THBS2: variants seen among roughly 807,000 people sequenced by gnomAD.
THBS2 encodes thrombospondin-2.
A neutral mutation model predicts 135.2 loss-of-function variants in THBS2; 47 were observed. That is an observed-to-expected ratio of 0.35 (90% CI 0.28 to 0.44). The LOEUF (loss-of-function observed/expected upper bound fraction) is 0.44. Ranked by LOEUF, THBS2 falls within the 20% of genes least tolerant of loss-of-function variation. THBS2 has a pLI of 1.00. For synonymous variants in THBS2, 639 were observed against 633.8 expected (o/e 1.01, Z -0.12); for missense variants, 1,288 against 1,603.1 (o/e 0.80, Z 3.36).
rs1780645970 is a variant in THBS2, at chr6:169,248,662, C to T, written c.364G>A (p.Asp122Asn). ...ATCCAGTAGGTGAGATCCAGCGTGT[C>T]CGCGGGGCCGTTGGAGACGATCTCG... Reference protein sequence around the residue: ...QFEIVSNGPADTLDLTYWIDG... With the variant: ...QFEIVSNGPANTLDLTYWIDG... Residue 122 changes from aspartate (D) to asparagine (N), a missense_variant, in exon 3 of 22, where the codon GAC becomes AAC. Around this residue, in one of 2 missense-constraint regions of THBS2, gnomAD observed 414 missense variants for 447.0 expected, o/e 0.93. Transcript: ENST00000617924. 6.2e-7 allele frequency: 1 copy of T among 1,613,938 alleles called. No individual in the cohort carries two copies. Among genetic ancestry groups the T allele is most frequent in the Non-Finnish European group, 8.5e-7 (1 of 1,180,008 alleles).
intron 15 of THBS2, among the ~76,000 whole-genome samples, chr6:169,227,237 G>A (rs1380358965): frequency 2.0e-5 from 3 of 152,178 alleles, no homozygotes; most frequent in Admixed American, 6.5e-5. Flanking sequence ...AGCTGGGGCC[G>A]AGCTCCAGCG....
rs1425305726 is a variant in THBS2 at position 169,237,174 on chromosome 6, G to A, written c.1473C>T (p.Cys491=). The A allele has an allele frequency of 1.2e-6, 2 of 1,605,404 alleles. No homozygotes were observed. Among genetic ancestry groups the A allele is most frequent in the Admixed American group, 1.7e-5 (1 of 60,000 alleles). The change falls in exon 9 of 22, where the codon TGC becomes TGT. Residue 491 remains cysteine (C), a synonymous_variant. Transcript: ENST00000617924. ...CCCCGCCTTCACCGTACTTACTTGG[G>A]CATGGGGCGCCCTGGCAGGCTTTGG... The part of the protein sequence containing the change: ...RETKACQGAP[C]PIDGRWSPWS...
intron 21 of THBS2, among the ~76,000 whole-genome samples, chr6:169,219,021 GTGGA>G (rs1373217483): frequency 7.9e-6 from 1 of 126,042 alleles, no homozygotes; most frequent in African/African-American, 2.9e-5. Context: ...GATGAGATGA[GTGGA>G]TGGATGGATG....
intron 4 of THBS2, among the ~76,000 whole-genome samples, chr6:169,245,174 C>T (rs1471120556): frequency 1.3e-5 from 2 of 152,232 alleles, no homozygotes; most frequent in Non-Finnish European, 2.9e-5. Flanking sequence ...CAGACAGACC[C>T]AGGCAGCAGC....
At chr6:169,239,805 A>T (rs1780228436) in intron 6 of THBS2, 110 bp from the exon 7 acceptor site, 1 of 812,448 alleles carries the variant, frequency 1.2e-6, no homozygotes, top group Non-Finnish European at 2.0e-6. Flanking sequence ...TTTCCATCCT[A>T]CGGACCATAC....
Position 169,246,193 on chromosome 6 carries a change from C to T in THBS2, c.694+4G>A. 6.2e-7 allele frequency: 1 copy of T among 1,613,692 alleles called. No homozygotes were observed. The highest frequency in any genetic ancestry group is 1.3e-5 in the African/African-American group (1 of 75,028). ...ATAAAATGCATTTTTCACAACACAC[C>T]TACCTCCCTGGCCTTGCTGGCAACC... On this transcript the variant is annotated splice_donor_region_variant and intron_variant, in intron 4 of 21. Coordinates refer to ENST00000617924, the MANE Select transcript of THBS2 (RefSeq NM_003247.5).
intron 2 of THBS2, among the ~76,000 whole-genome samples, chr6:169,249,734 G>C (rs1291006178): frequency 5.3e-5 from 8 of 152,148 alleles, no homozygotes; most frequent in African/African-American, 1.9e-4. Context: ...AATCATAATA[G>C]TTTAAATAAT....
rs370324345 is a variant in THBS2, at chr6:169,237,161, C to A, written c.1477+9G>T. ...CGCCCACCCAGGGCCCCGCCTTCAC[C>A]GTACTTACTTGGGCATGGGGCGCCC... On this transcript the variant is annotated intron_variant, in intron 9 of 21. Transcript: ENST00000617924. 6.3e-7 allele frequency: 1 copy of A among 1,598,658 alleles called. No individual in the cohort carries two copies. Among genetic ancestry groups the A allele is most frequent in the South Asian group, 1.1e-5 (1 of 90,868 alleles).
At position 169,248,549 on chromosome 6, in the gene THBS2, C is replaced by G. The variant is rs765400025; in HGVS notation, c.477G>C (p.Glu159Asp). The change falls in exon 3 of 22, where the codon GAG becomes GAC. Residue 159 changes from glutamate to aspartate, a missense_variant. Glu to Asp is a conservative substitution (Grantham distance 45). Coordinates refer to ENST00000617924, the MANE Select transcript of THBS2 (RefSeq NM_003247.5). ...CGCAGCCCACGTGCAAGCTGTAGGT[C>G]TCGCCAGCCACCTGCACGGTGACGT... is the stretch of plus-strand genomic sequence containing the variant. ...WKNVTVQVAG[E>D]TYSLHVGCDL... 3.7e-6 allele frequency: 6 copies of G among 1,614,024 alleles called. No homozygotes were observed. The highest frequency in any genetic ancestry group is 3.3e-5 in the Admixed American group (2 of 60,026).
chr6:169,237,896 C>G, intron 7 of THBS2, 101 bp from the exon 8 acceptor site: 1 of 1,372,000 alleles, frequency 7.3e-7, no homozygotes, highest in Non-Finnish European at 9.6e-7. Context: ...ACAGTTCATG[C>G]ATCCAGGAAT....
intron 2 of THBS2, 32 bp from the exon 3 acceptor site, chr6:169,249,005 C>G: frequency 1.9e-6 from 3 of 1,566,172 alleles, no homozygotes. Flanking sequence ...AGAAGGGTGA[C>G]GTAGGGGAAG....
chr6:169,248,790 C>T lies in THBS2; in HGVS notation c.236G>A (p.Arg79Gln). Residue 79 changes from arginine to glutamine, a missense_variant, in exon 3 of 22, where the codon CGG becomes CAG. Coordinates refer to ENST00000617924, the MANE Select transcript of THBS2 (RefSeq NM_003247.5). ...DDLSKITKIM[R>Q]QKEGFFLTAQ... ...CGTGAGGAAGAAGCCCTCCTTCTGC[C>T]GCATGATCTTGGTGATCTTGCTGAG... The T allele has an allele frequency of 1.2e-6, 2 of 1,611,630 alleles. No homozygotes were observed. Among genetic ancestry groups the T allele is most frequent in the Non-Finnish European group, 8.5e-7 (1 of 1,179,984 alleles).
Position 169,240,470 on chromosome 6 carries a change from G to A in THBS2, c.1014C>T (p.Cys338=), listed in dbSNP as rs780913128. The change falls in exon 6 of 22, where the codon TGC becomes TGT. Residue 338 remains cysteine (C), a synonymous_variant. Coordinates refer to ENST00000617924, the MANE Select transcript of THBS2 (RefSeq NM_003247.5). ...AENETWVVDS[C]TTCTCKKFKT... is the part of the protein sequence containing the mutation. ...GCCTCACCTTGCAGGTACACGTGGTGCAGCTGTCCACCACCCACGTTTCAT... is the reference window on the plus strand; with the variant it reads ...GCCTCACCTTGCAGGTACACGTGGTACAGCTGTCCACCACCCACGTTTCAT... 8 of 1,613,696 alleles carry A rather than the reference G, an allele frequency of 5.0e-6. No homozygotes were observed. In the South Asian group the frequency reaches 7.7e-5, roughly 16 times the overall value.
In THBS2 at chr6:169,234,663, C is replaced by T. The variant is rs918352171; in HGVS notation, c.1651+71G>A. On this transcript the variant is annotated intron_variant, in intron 10 of 21. Coordinates refer to ENST00000617924, the MANE Select transcript of THBS2 (RefSeq NM_003247.5). ...TTTTCTGTGTTTTTCATCTAGTTTC[C>T]CAAAGCGTTTGTGCTTTTCATCAGA... is the stretch of plus-strand genomic sequence containing the variant. 5.1e-6 allele frequency: 7 copies of T among 1,367,738 alleles called. No individual in the cohort carries two copies. The African/African-American group carries it at 1.0e-4, about 20-fold the overall frequency. 84.7% of individuals were successfully genotyped at this position (1,367,738 alleles called of 1,614,324 possible).
chr6:169,244,558 T>G (rs1182336221), intron 4 of THBS2, among the ~76,000 whole-genome samples: 1 of 150,706 alleles, frequency 6.6e-6, no homozygotes, highest in African/African-American at 2.4e-5. Context: ...GTTTTGTTTA[T>G]AAAAACAATA....
chr6:169,243,631 C>T (rs77826132), intron 4 of THBS2, among the ~76,000 whole-genome samples: 2,108 of 152,270 alleles, frequency 0.014, 35 homozygotes, highest in East Asian at 0.079. Context: ...AATATCAACA[C>T]ATTAATAGAG....
At chr6:169,236,445 T>C (rs1780076934) in intron 9 of THBS2, among the ~76,000 whole-genome samples, 1 of 95,794 alleles carries the variant, frequency 1.0e-5, no homozygotes, top group Non-Finnish European at 2.0e-5. Context: ...TCCACACTCA[T>C]TGCCCCGTAA....
chr6:169,218,793 G>GTGGACAAGA (rs1554244037), intron 21 of THBS2, among the ~76,000 whole-genome samples: 1 of 130,652 alleles, frequency 7.7e-6, no homozygotes, highest in African/African-American at 3.1e-5. Context: ...GAGTGGGTTG[G>GTGGACAAGA]TGGATGAGAT....
intron 18 of THBS2, 138 bp downstream of exon 18, chr6:169,223,110 A>G (rs1779491489): frequency 2.6e-6 from 2 of 776,184 alleles, no homozygotes; most frequent in Non-Finnish European, 4.1e-6. Flanking sequence ...AGACAGTTTC[A>G]CAGACCATGG....
Sources: gnomAD v4.1 joint callset for allele counts (sites outside exome capture counted in the v4.1 genomes callset) on GRCh38, gnomAD v4.1.1 for gene constraint, gnomAD v4.1.1 regional missense constraint, MANE v1.5 for transcripts, NCBI Gene and HGNC (gene_info 2026-07-23, HGNC 2026-07-21) for gene names.